TENM3: variants seen among roughly 807,000 people sequenced by gnomAD.
The protein encoded by TENM3 is teneurin transmembrane protein 3, also known as teneurin-3.
In TENM3, 63 loss-of-function variants were observed where a neutral mutation model predicts 255.1. That is an observed-to-expected ratio of 0.25 (90% CI 0.20 to 0.30). The LOEUF is 0.30. Ranked by LOEUF, TENM3 falls within the 10% of genes least tolerant of loss-of-function variation. The pLI is 1.00. For synonymous variants in TENM3, 1,306 were observed against 1,322.3 expected, an observed-to-expected ratio of 0.99 and a Z score of 0.27; for missense variants, 2,929 against 3,461.1, an observed-to-expected ratio of 0.85 and a Z score of 3.86.
chr4:182,159,208 T>C (rs571224499), intron 1 of TENM3, among the ~76,000 whole-genome samples: 1 of 152,312 alleles, frequency 6.6e-6, no homozygotes, highest in East Asian at 1.9e-4. Flanking sequence ...GTCGGAGTCA[T>C]TGTCATCGGC....
chr4:181,535,585 G>A, the TENM3 span, among the ~76,000 whole-genome samples: 1 of 152,094 alleles, frequency 6.6e-6, no homozygotes. Flanking sequence ...CTCACTCCAG[G>A]TAAAAGGTAG....
At chr4:182,555,237 A>G (rs759011507) in intron 3 of TENM3, among the ~76,000 whole-genome samples, 3 of 152,284 alleles carry the variant, frequency 2.0e-5, no homozygotes, top group East Asian at 3.9e-4. Flanking sequence ...AATATCAGGC[A>G]TAAATTTAAC....
At chr4:182,059,747 AAAAAAAAAAAAAAAAG>A in the TENM3 span, among the ~76,000 whole-genome samples, 1,000 of 127,640 alleles carry the variant, frequency 7.8e-3, 8 homozygotes, top group African/African-American at 0.041. Context: ...TGTCTCTACA[AAAAAAAAAAAAAAAAG>A]AAAAAAAAAA....
chr4:182,324,122 G>A lies in TENM3; in HGVS notation c.102G>A (p.Arg34=). The change falls in exon 2 of 28, where the codon CGG becomes CGA. Residue 34 remains arginine, a synonymous_variant. Coordinates refer to ENST00000511685, the MANE Select transcript of TENM3 (RefSeq NM_001080477.4). ...TNSSADNEEC[R]VPTQKSYSSS... ...CCTCCGCAGACAATGAGGAGTGCCG[G>A]GTACCCACACAGAAGTCCTACAGTT... 6.2e-7 allele frequency: 1 copy of A among 1,613,902 alleles called. No individual in the cohort carries two copies. The highest frequency in any genetic ancestry group is 8.5e-7 in the Non-Finnish European group (1 of 1,179,874).
the TENM3 span, among the ~76,000 whole-genome samples, chr4:181,897,965 G>T: frequency 1.3e-5 from 2 of 152,016 alleles, no homozygotes; most frequent in Non-Finnish European, 2.9e-5. Context: ...CACCAAAACT[G>T]CCATCGCATT....
the TENM3 span, among the ~76,000 whole-genome samples, chr4:181,471,300 T>C: frequency 6.6e-6 from 1 of 152,224 alleles, no homozygotes; most frequent in Non-Finnish European, 1.5e-5. Flanking sequence ...GAAGGATAAT[T>C]CAATTCAAAT....
At chr4:182,442,475 C>A (rs907275753) in intron 3 of TENM3, among the ~76,000 whole-genome samples, 1 of 152,204 alleles carries the variant, frequency 6.6e-6, no homozygotes, top group Non-Finnish European at 1.5e-5. Context: ...AACACCACTG[C>A]ACTAGTCACC....
At chr4:182,270,356 C>T (rs1047671490) in intron 1 of TENM3, among the ~76,000 whole-genome samples, 2 of 152,116 alleles carry the variant, frequency 1.3e-5, no homozygotes, top group South Asian at 2.1e-4. Flanking sequence ...ATTTTGATTT[C>T]CTTCAAGGTC....
chr4:181,806,164 C>T, the TENM3 span, among the ~76,000 whole-genome samples: 4 of 152,160 alleles, frequency 2.6e-5, no homozygotes, highest in East Asian at 1.9e-4. Context: ...ATCAATAATT[C>T]GCAGTTTGCT....
intron 3 of TENM3, among the ~76,000 whole-genome samples, chr4:182,445,367 T>A (rs1772833475): frequency 6.6e-6 from 1 of 152,260 alleles, no homozygotes; most frequent in South Asian, 2.1e-4. Context: ...GTGCTTAGTG[T>A]TAGCTTTAAT....
chr4:182,100,552 CATAT>C, the TENM3 span, among the ~76,000 whole-genome samples: 1 of 132,634 alleles, frequency 7.5e-6, no homozygotes, highest in Non-Finnish European at 1.5e-5. Flanking sequence ...TATACACACA[CATAT>C]ATATACACAC....
At chr4:181,879,076 G>A in the TENM3 span, among the ~76,000 whole-genome samples, 1 of 152,232 alleles carries the variant, frequency 6.6e-6, no homozygotes, top group Middle Eastern at 3.4e-3. Context: ...CCATGATACT[G>A]TGTGTGTTAT....
intron 1 of TENM3, among the ~76,000 whole-genome samples, chr4:182,145,769 C>T (rs1164534638): frequency 2.0e-5 from 3 of 152,202 alleles, no homozygotes; most frequent in African/African-American, 7.2e-5. Context: ...CCCCAGACGG[C>T]TGGGATGCCC....
chr4:182,743,464 C>T, intron 19 of TENM3, 45 bp downstream of exon 19: 2 of 1,585,674 alleles, frequency 1.3e-6, no homozygotes, highest in Non-Finnish European at 1.7e-6. Flanking sequence ...GCTAAACGTG[C>T]CTCTTTAAAA....
At chr4:182,764,355 A>T (rs1763487049) in intron 22 of TENM3, among the ~76,000 whole-genome samples, 1 of 152,216 alleles carries the variant, frequency 6.6e-6, no homozygotes, top group South Asian at 2.1e-4. Flanking sequence ...GAGCTAGATG[A>T]CACATTCCCT....
intron 3 of TENM3, among the ~76,000 whole-genome samples, chr4:182,552,850 A>G (rs1742190947): frequency 6.6e-6 from 1 of 152,206 alleles, no homozygotes; most frequent in Non-Finnish European, 1.5e-5. Context: ...TTTAAGTTAC[A>G]TAAAGTATTT....
chr4:181,765,326 C>T, the TENM3 span, among the ~76,000 whole-genome samples: 3 of 152,026 alleles, frequency 2.0e-5, no homozygotes, highest in Non-Finnish European at 4.4e-5. Flanking sequence ...ATGTGAAGTC[C>T]TTTGAGTGTG....
At chr4:182,291,363 A>G (rs10023981) in intron 1 of TENM3, among the ~76,000 whole-genome samples, 16 of 152,166 alleles carry the variant, frequency 1.1e-4, no homozygotes, top group African/African-American at 3.6e-4. Context: ...GAGACAAAGC[A>G]TGAAAGAGCC....
chr4:182,405,402 G>A (rs921462842), intron 3 of TENM3, among the ~76,000 whole-genome samples: 1 of 152,220 alleles, frequency 6.6e-6, no homozygotes, highest in African/African-American at 2.4e-5. Context: ...ACCTAAGGTT[G>A]TGCATTGAGC....
Sources: allele counts gnomAD v4.1 joint callset (sites outside exome capture counted in the v4.1 genomes callset), GRCh38; gene constraint gnomAD v4.1.1; transcripts MANE v1.5; gene names NCBI Gene and HGNC (gene_info 2026-07-23, HGNC 2026-07-21).